NRXN3: variants seen among roughly 807,000 people sequenced by gnomAD.
The protein encoded by NRXN3 is neurexin III.
In NRXN3, 32 loss-of-function variants were observed where a neutral mutation model predicts 137.6. The ratio of observed to expected loss-of-function variants is 0.23; its 90% confidence interval spans 0.18 to 0.31. The LOEUF is 0.31. NRXN3 is among the 10% of genes least tolerant of loss of function. NRXN3 has a pLI of 1.00. For synonymous variants in NRXN3, 798 were observed against 784.5 expected, an observed-to-expected ratio of 1.02 and a Z score of -0.29; for missense variants, 1,574 against 2,062.5, an observed-to-expected ratio of 0.76 and a Z score of 4.59.
At chr14:79,295,854 A>C (rs1474787170) in intron 15 of NRXN3, among the ~76,000 whole-genome samples, 1 of 152,190 alleles carries the variant, frequency 6.6e-6, no homozygotes, top group African/African-American at 2.4e-5. Flanking sequence ...CTCCCACTGC[A>C]CAGTGAGTTT....
intron 15 of NRXN3, among the ~76,000 whole-genome samples, chr14:79,418,116 A>G (rs995884743): frequency 2.6e-5 from 4 of 152,156 alleles, no homozygotes; most frequent in African/African-American, 7.2e-5. Context: ...TGTGCTTTGT[A>G]TTTGTACATT....
At position 79,099,106 on chromosome 14, in the gene NRXN3, A is replaced by C. The variant is rs528853824; in HGVS notation, c.3262+110965A>C. 2.6e-5 allele frequency among the ~76,000 whole-genome samples: 4 copies of C among 152,218 alleles called. No individual in the cohort carries two copies. In the South Asian group the frequency reaches 8.3e-4, roughly 32 times the overall value. ...CAGTTTCTGAGCTAAAGGAAAATTC[A>C]CTTAACAGGTAGAGAAGAATAGATG... On this transcript the variant is annotated intron_variant, in intron 15 of 20. Transcript: ENST00000335750.
At chr14:79,082,470 G>A (rs2047245913) in intron 15 of NRXN3, among the ~76,000 whole-genome samples, 1 of 151,284 alleles carries the variant, frequency 6.6e-6, no homozygotes, top group African/African-American at 2.4e-5. Flanking sequence ...CTCAAAAGAA[G>A]GAGTTCTCAG....
intron 1 of NRXN3, among the ~76,000 whole-genome samples, chr14:78,217,703 C>T (rs1053080329): frequency 6.6e-5 from 10 of 152,184 alleles, no homozygotes; most frequent in African/African-American, 2.4e-4. Context: ...GCTCTGTCGC[C>T]TGGGCTGGAG....
At chr14:79,012,572 A>G (rs925986795) in intron 15 of NRXN3, among the ~76,000 whole-genome samples, 1 of 152,116 alleles carries the variant, frequency 6.6e-6, no homozygotes, top group Non-Finnish European at 1.5e-5. Context: ...TCTAGAAGGT[A>G]TAGGAGAGAC....
chr14:78,212,473 G>A (rs1174247280), intron 1 of NRXN3, among the ~76,000 whole-genome samples: 1 of 152,110 alleles, frequency 6.6e-6, no homozygotes, highest in Admixed American at 6.5e-5. Flanking sequence ...TCACCCTTAG[G>A]GGCCCAGCTT....
At chr14:79,426,578 C>G (rs991277433) in intron 15 of NRXN3, among the ~76,000 whole-genome samples, 1 of 152,200 alleles carries the variant, frequency 6.6e-6, no homozygotes, top group Admixed American at 6.5e-5. Flanking sequence ...TTACAGCCAC[C>G]TATAAAAACC....
intron 8 of NRXN3, among the ~76,000 whole-genome samples, chr14:78,791,664 A>G (rs564271229): frequency 1.3e-5 from 2 of 152,286 alleles, no homozygotes; most frequent in Non-Finnish European, 2.9e-5. Context: ...ATCAAAAGAA[A>G]AGTCACCAGG....
chr14:78,584,802 T>A (rs1382971618), intron 4 of NRXN3, among the ~76,000 whole-genome samples: 1 of 152,224 alleles, frequency 6.6e-6, no homozygotes, highest in Non-Finnish European at 1.5e-5. Flanking sequence ...CGTCAAATCA[T>A]CCATCATTTG....
chr14:78,879,773 A>G (rs536612270), intron 10 of NRXN3, among the ~76,000 whole-genome samples: 2 of 152,180 alleles, frequency 1.3e-5, no homozygotes, highest in South Asian at 4.2e-4. Flanking sequence ...CTATGACTGG[A>G]GGGTGTTTAT....
chr14:79,073,589 G>A (rs1595658908), intron 15 of NRXN3, among the ~76,000 whole-genome samples: 1 of 152,100 alleles, frequency 6.6e-6, no homozygotes, highest in East Asian at 1.9e-4. Context: ...TAAAGAAATT[G>A]GAAAGCTCTT....
At chr14:79,074,811 A>G (rs1433040500) in intron 15 of NRXN3, 1 of 152,192 alleles carries the variant, frequency 6.6e-6, no homozygotes, top group Non-Finnish European at 1.5e-5. Flanking sequence ...CATATCTCAT[A>G]TGCTGATCTG....
chr14:79,148,546 CCCT>C (rs1212731113), intron 15 of NRXN3, among the ~76,000 whole-genome samples: 1 of 152,110 alleles, frequency 6.6e-6, no homozygotes, highest in Non-Finnish European at 1.5e-5. Flanking sequence ...AGTCCCTTGT[CCCT>C]CATCTTCTTT....
intron 15 of NRXN3, among the ~76,000 whole-genome samples, chr14:79,302,798 G>A (rs1304145456): frequency 6.6e-6 from 1 of 151,888 alleles, no homozygotes; most frequent in Non-Finnish European, 1.5e-5. Context: ...TAAGTTTCCT[G>A]AGGCTTCCCA....
chr14:78,440,853 C>A (rs77699084), intron 4 of NRXN3, among the ~76,000 whole-genome samples: 2,116 of 152,256 alleles, frequency 0.014, 46 homozygotes, highest in African/African-American at 0.048. Context: ...CATCGATTTG[C>A]ATGCTGTCAG....
chr14:79,308,319 TTGCCTCAAG>T lies in NRXN3; in HGVS notation c.3263-158900_3263-158892del, dbSNP rs756803956. On this transcript the variant is annotated intron_variant, in intron 15 of 20. Transcript: ENST00000335750. ...TCATTTCTCCATTCTTAACCTCTCT[TTGCCTCAAG>T]TTCCCAAAGCTATTGTGCAGCCAAC... 1.6e-4 allele frequency among the ~76,000 whole-genome samples: 24 copies of T among 152,148 alleles called. 1 individual carries two copies. The highest frequency in any genetic ancestry group is 3.2e-4 in the Non-Finnish European group (22 of 68,012).
chr14:78,972,120 T>C (rs1412869036), intron 14 of NRXN3, among the ~76,000 whole-genome samples: 3 of 152,144 alleles, frequency 2.0e-5, no homozygotes, highest in African/African-American at 7.2e-5. Flanking sequence ...TTAAAAAAAA[T>C]CATACCTGAT....
chr14:78,487,576 C>T (rs2095583848), intron 4 of NRXN3, among the ~76,000 whole-genome samples: 1 of 152,032 alleles, frequency 6.6e-6, no homozygotes, highest in African/African-American at 2.4e-5. Flanking sequence ...AACCCCGTCT[C>T]TACTAAAAAT....
chr14:79,781,042 A>ATT (rs35081734), intron 19 of NRXN3, among the ~76,000 whole-genome samples: 1 of 131,006 alleles, frequency 7.6e-6, no homozygotes, highest in Non-Finnish European at 1.7e-5. Context: ...TCATAAGGTA[A>ATT]TTTTTTTTTT....
Sources: gnomAD v4.1 joint callset for allele counts (sites outside exome capture counted in the v4.1 genomes callset) on GRCh38, gnomAD v4.1.1 for gene constraint, MANE v1.5 for transcripts, NCBI Gene and HGNC (gene_info 2026-07-23, HGNC 2026-07-21) for gene names.